Variants in TACR3 observed in about 807,000 individuals in gnomAD.
The protein encoded by TACR3 is neuromedin-K receptor.
Under a neutral mutation model 35.0 loss-of-function variants are expected in TACR3, and 34 were observed. The ratio of observed to expected loss-of-function variants is 0.97; its 90% CI spans 0.74 to 1.30. The LOEUF (loss-of-function observed/expected upper bound fraction) is 1.30, where lower values mean the gene tolerates loss of function less well. TACR3 is among the 50% of genes most tolerant of loss of function. The probability of loss-of-function intolerance (pLI) is 0.00; values close to 1 mark genes in which losing one functional copy is unlikely to be tolerated. For synonymous variants in TACR3, 233 were observed against 221.1 expected (o/e 1.05, Z -0.48); for missense variants, 558 against 591.7 (o/e 0.94, Z 0.59).
intron 3 of TACR3, among the ~76,000 whole-genome samples, chr4:103,629,144 A>G (rs935653460): frequency 6.6e-5 from 10 of 152,186 alleles, no homozygotes; most frequent in Non-Finnish European, 1.5e-4. Flanking sequence ...GTATCTCAAA[A>G]TAATCAGAGC....
chr4:103,654,748 T>C (rs1725697458), intron 3 of TACR3, among the ~76,000 whole-genome samples: 1 of 151,614 alleles, frequency 6.6e-6, no homozygotes, highest in African/African-American at 2.4e-5. Context: ...AACCAGGTAC[T>C]ATAGAGAAAT....
chr4:103,681,647 C>T (rs977291), intron 1 of TACR3, among the ~76,000 whole-genome samples: 8,025 of 151,956 alleles, frequency 0.053, 582 homozygotes, highest in African/African-American at 0.16. Flanking sequence ...TGGTCAGATC[C>T]ACAAATTCAC....
At chr4:103,701,166 A>C (rs1171929885) in intron 1 of TACR3, among the ~76,000 whole-genome samples, 2 of 152,024 alleles carry the variant, frequency 1.3e-5, no homozygotes, top group African/African-American at 4.8e-5. Context: ...TCTCAGCCCA[A>C]AATCTCCTCA....
intron 1 of TACR3, among the ~76,000 whole-genome samples, chr4:103,672,000 T>C (rs184024032): frequency 6.6e-6 from 1 of 152,288 alleles, no homozygotes; most frequent in Admixed American, 6.5e-5. Flanking sequence ...TATAATATTC[T>C]ATATTGTTTA....
At chr4:103,687,949 A>T (rs1484351005) in intron 1 of TACR3, among the ~76,000 whole-genome samples, 1 of 152,188 alleles carries the variant, frequency 6.6e-6, no homozygotes, top group Non-Finnish European at 1.5e-5. Flanking sequence ...AGTCAGTCCT[A>T]AGCCAAAAGA....
intron 1 of TACR3, among the ~76,000 whole-genome samples, chr4:103,702,604 A>G (rs1023368362): frequency 1.3e-5 from 2 of 152,142 alleles, no homozygotes; most frequent in Non-Finnish European, 2.9e-5. Context: ...ATGCACATGT[A>G]TGTTTATTGC....
intron 1 of TACR3, among the ~76,000 whole-genome samples, chr4:103,659,821 A>G (rs1725802014): frequency 6.6e-6 from 1 of 152,182 alleles, no homozygotes; most frequent in Admixed American, 6.6e-5. Flanking sequence ...GCAACTTCCA[A>G]TTTTGAACTG....
At chr4:103,608,120 A>C (rs1341211328) in intron 3 of TACR3, among the ~76,000 whole-genome samples, 1 of 152,084 alleles carries the variant, frequency 6.6e-6, no homozygotes, top group African/African-American at 2.4e-5. Flanking sequence ...TATGTTCGTT[A>C]CCACGCTATT....
intron 3 of TACR3, among the ~76,000 whole-genome samples, chr4:103,650,703 A>G (rs1725584874): frequency 2.4e-5 from 1 of 42,374 alleles, no homozygotes; most frequent in East Asian, 5.4e-4. Flanking sequence ...ATATATTTAT[A>G]TATATAAATA....
At chr4:103,659,226 C>T (rs1365485960) in intron 1 of TACR3, among the ~76,000 whole-genome samples, 1 of 152,164 alleles carries the variant, frequency 6.6e-6, no homozygotes, top group East Asian at 1.9e-4. Context: ...TGGTCCCTAA[C>T]CCAGGGAACT....
rs1366620853 is a variant in TACR3, at chr4:103,689,166, C to T, written c.548+29962G>A. 5.4e-5 allele frequency among the ~76,000 whole-genome samples: 8 copies of T among 147,820 alleles called. No individual in the cohort carries two copies. The East Asian group carries it at 6.1e-4, about 11-fold the overall frequency. ...ATCGCAAGAACAAAAAACCAAACAC[C>T]GCATATTCTCACTCATAGGTGGGAA... On this transcript the variant is annotated intron_variant, in intron 1 of 4. Coordinates refer to ENST00000304883, the MANE Select transcript of TACR3 (RefSeq NM_001059.3).
At chr4:103,689,335 T>G (rs942615346) in intron 1 of TACR3, among the ~76,000 whole-genome samples, 5 of 151,586 alleles carry the variant, frequency 3.3e-5, no homozygotes, top group East Asian at 1.9e-4. Flanking sequence ...CACCAGCATG[T>G]CACATGTATA....
intron 1 of TACR3, among the ~76,000 whole-genome samples, chr4:103,698,735 A>T (rs1397912100): frequency 6.6e-6 from 1 of 152,052 alleles, no homozygotes; most frequent in Non-Finnish European, 1.5e-5. Context: ...ATAACATAAC[A>T]GTGTGACTAT....
At chr4:103,628,551 G>A (rs1724966527) in intron 3 of TACR3, among the ~76,000 whole-genome samples, 1 of 152,188 alleles carries the variant, frequency 6.6e-6, no homozygotes, top group African/African-American at 2.4e-5. Flanking sequence ...AAATCTAGAA[G>A]AAATGGATAA....
At chr4:103,658,554 G>A (rs560771044) in intron 1 of TACR3, 151 bp from the exon 2 acceptor site, 14 of 689,060 alleles carry the variant, frequency 2.0e-5, no homozygotes, top group East Asian at 1.6e-4. Context: ...TAGAGGCAGC[G>A]TAGAATGGTA....
chr4:103,701,343 G>A (rs1271837997), intron 1 of TACR3, among the ~76,000 whole-genome samples: 1 of 151,558 alleles, frequency 6.6e-6, no homozygotes, highest in Non-Finnish European at 1.5e-5. Flanking sequence ...AACTTACAAG[G>A]GACGTGAAGG....
At chr4:103,680,083 A>G (rs1001928899) in intron 1 of TACR3, among the ~76,000 whole-genome samples, 2 of 151,836 alleles carry the variant, frequency 1.3e-5, no homozygotes, top group African/African-American at 4.8e-5. Context: ...GACTGTGCTC[A>G]AGCTATGTGC....
rs200498239 is a variant in TACR3, at chr4:103,719,685, T to A, written c.-10A>T. The A allele has an allele frequency of 1.4e-4, 231 of 1,607,160 alleles. No individual in the cohort carries two copies. The highest frequency in any genetic ancestry group is 1.3e-3 in the Middle Eastern group (8 of 6,062). On this transcript the variant is annotated 5_prime_UTR_variant, in exon 1 of 5. Coordinates refer to ENST00000304883, the MANE Select transcript of TACR3 (RefSeq NM_001059.3). ...CTGGGAGAGTGGCCATCGCCACCGG[T>A]CTGCAGTCCCGGACCCTCCCACTCA...
intron 3 of TACR3, among the ~76,000 whole-genome samples, chr4:103,604,420 C>G (rs147911276): frequency 6.6e-6 from 1 of 151,962 alleles, no homozygotes; most frequent in African/African-American, 2.4e-5. Context: ...AACATAAGAC[C>G]GAAAACCATA....
Sources: allele counts gnomAD v4.1 joint callset (sites outside exome capture counted in the v4.1 genomes callset), GRCh38; gene constraint gnomAD v4.1.1; transcripts MANE v1.5; gene names NCBI Gene and HGNC (gene_info 2026-07-23, HGNC 2026-07-21).